OXSR1: variants seen among roughly 807,000 people sequenced by gnomAD.
The protein encoded by OXSR1 is serine/threonine-protein kinase OSR1.
In OXSR1, 24 loss-of-function variants were observed where a neutral mutation model predicts 79.8. That is an observed-to-expected ratio of 0.30 (90% CI 0.22 to 0.42). The LOEUF (loss-of-function observed/expected upper bound fraction) is 0.42. OXSR1 is among the 10% of genes least tolerant of loss of function. The probability of loss-of-function intolerance (pLI) is 1.00; values close to 1 mark genes in which losing one functional copy is unlikely to be tolerated. For missense variants in OXSR1, 430 were observed against 618.4 expected, an observed-to-expected ratio of 0.70 and a Z score of 3.23; for synonymous variants, 226 against 209.2, an observed-to-expected ratio of 1.08 and a Z score of -0.69.
At chr3:38,213,683 T>A (rs753659679) in intron 4 of OXSR1, among the ~76,000 whole-genome samples, 6 of 152,184 alleles carry the variant, frequency 3.9e-5, no homozygotes, top group Non-Finnish European at 8.8e-5. Flanking sequence ...TGCACTAACT[T>A]CTCAACTTTT....
chr3:38,233,262 G>A lies in OXSR1; in HGVS notation c.951+2832G>A, dbSNP rs149596865. Among the ~76,000 whole-genome samples the A allele has an allele frequency of 7.3e-4, 111 of 152,236 alleles. 1 individual carries two copies. The highest frequency in any genetic ancestry group is 2.6e-3 in the African/African-American group (107 of 41,536). On this transcript the variant is annotated intron_variant, in intron 10 of 17. Transcript: ENST00000311806. ...ATCCATATCACTTCATTCAACTCCT[G>A]GAACATAAACATTAAGGCTTATTAC...
intron 12 of OXSR1, among the ~76,000 whole-genome samples, chr3:38,243,445 G>A (rs1044505688): frequency 5.9e-5 from 9 of 152,034 alleles, no homozygotes; most frequent in African/African-American, 2.2e-4. Context: ...TCTATTTTCC[G>A]TGGTTACTGT....
intron 16 of OXSR1, 90 bp downstream of exon 16, chr3:38,251,561 G>A: frequency 1.1e-6 from 1 of 929,540 alleles, no homozygotes; most frequent in South Asian, 1.3e-5. Context: ...CCACTGAGTA[G>A]GTCTGATGGT....
intron 1 of OXSR1, among the ~76,000 whole-genome samples, chr3:38,179,388 A>G (rs1160109930): frequency 6.6e-6 from 1 of 152,010 alleles, no homozygotes; most frequent in Non-Finnish European, 1.5e-5. Context: ...GCGGGTCTCG[A>G]ATTCCTGGAC....
chr3:38,213,655 G>A (rs1361379021), intron 4 of OXSR1, among the ~76,000 whole-genome samples: 1 of 152,146 alleles, frequency 6.6e-6, no homozygotes, highest in East Asian at 1.9e-4. Context: ...CTAAGTGTGA[G>A]GTGTGTAGGA....
intron 4 of OXSR1, among the ~76,000 whole-genome samples, chr3:38,200,446 A>G (rs973147875): frequency 6.6e-6 from 1 of 152,154 alleles, no homozygotes; most frequent in Non-Finnish European, 1.5e-5. Flanking sequence ...TGAGGCCCCT[A>G]GCCACTCTGC....
intron 1 of OXSR1, among the ~76,000 whole-genome samples, chr3:38,170,601 GAC>G (rs1014524210): frequency 6.6e-6 from 1 of 152,072 alleles, no homozygotes; most frequent in African/African-American, 2.4e-5. Flanking sequence ...TACAGTTGAA[GAC>G]ACAGAGACAG....
At chr3:38,240,309 T>C (rs1222445733) in intron 11 of OXSR1, among the ~76,000 whole-genome samples, 3 of 152,158 alleles carry the variant, frequency 2.0e-5, no homozygotes, top group Admixed American at 2.0e-4. Context: ...TGTCTCAATG[T>C]TCTTGGGAGC....
At chr3:38,217,035 AATTGTT>A (rs1249269510) in intron 5 of OXSR1, among the ~76,000 whole-genome samples, 2 of 152,210 alleles carry the variant, frequency 1.3e-5, no homozygotes, top group Non-Finnish European at 2.9e-5. Context: ...CAGCATGAAT[AATTGTT>A]AAAGGGCTCA....
At chr3:38,197,325 A>C (rs1373623122) in intron 3 of OXSR1, among the ~76,000 whole-genome samples, 2 of 152,212 alleles carry the variant, frequency 1.3e-5, no homozygotes, top group African/African-American at 4.8e-5. Flanking sequence ...GCCTCCGGGG[A>C]GGAATAGGAA....
At chr3:38,243,787 A>T (rs1703083142) in intron 12 of OXSR1, among the ~76,000 whole-genome samples, 1 of 152,224 alleles carries the variant, frequency 6.6e-6, no homozygotes, top group Non-Finnish European at 1.5e-5. Context: ...TAACAGGCCG[A>T]TATCTGTTAA....
At chr3:38,187,113 A>G (rs1701899784) in intron 2 of OXSR1, among the ~76,000 whole-genome samples, 2 of 152,344 alleles carry the variant, frequency 1.3e-5, no homozygotes, top group South Asian at 2.1e-4. Flanking sequence ...CAACAACTTT[A>G]TAAAACTTTG....
At chr3:38,178,212 A>G (rs1380558409) in intron 1 of OXSR1, among the ~76,000 whole-genome samples, 1 of 152,102 alleles carries the variant, frequency 6.6e-6, no homozygotes, top group Non-Finnish European at 1.5e-5. Flanking sequence ...CGGCCTCCCA[A>G]AGTGCTGGGA....
Position 38,194,321 on chromosome 3 carries a change from G to A in OXSR1, c.292+3482G>A, listed in dbSNP as rs547698710. Among the ~76,000 whole-genome samples, 9 of 152,238 alleles carry A rather than the reference G, an allele frequency of 5.9e-5. No individual in the cohort carries two copies. The South Asian group carries it at 1.5e-3, about 25-fold the overall frequency. ...TCCCAGTGCTTTGGGAGGCTGAGGC[G>A]GAAGGATTGCTTTAGGCCAGGAGTT... On this transcript the variant is annotated intron_variant, in intron 3 of 17. Coordinates refer to ENST00000311806, the MANE Select transcript of OXSR1 (RefSeq NM_005109.3).
In OXSR1 at chr3:38,216,107, C is replaced by A; in HGVS notation, c.446C>A (p.Ala149Asp). The change falls in exon 5 of 18, where the codon GCT becomes GAT. Residue 149 changes from alanine to aspartate, a missense_variant. Coordinates refer to ENST00000311806, the MANE Select transcript of OXSR1 (RefSeq NM_005109.3). ...KNGQIHRDVK[A>D]GNILLGEDGS... ...TTTTTTTTTTAAAGAGATGTGAAAG[C>A]TGGAAACATTCTTCTTGGAGAAGAT... The A allele has an allele frequency of 6.3e-7, 1 of 1,579,454 alleles. No homozygotes were observed. Among genetic ancestry groups the A allele is most frequent in the Non-Finnish European group, 8.6e-7 (1 of 1,157,146 alleles).
At chr3:38,245,251 G>GT (rs1489208815) in intron 12 of OXSR1, among the ~76,000 whole-genome samples, 1 of 151,876 alleles carries the variant, frequency 6.6e-6, no homozygotes, top group Non-Finnish European at 1.5e-5. Flanking sequence ...CTATTGCATC[G>GT]TTTTTTCTCC....
intron 8 of OXSR1, among the ~76,000 whole-genome samples, 197 bp from the exon 9 acceptor site, chr3:38,229,485 ATTTGT>A (rs1032370052): frequency 4.5e-4 from 69 of 152,182 alleles, no homozygotes; most frequent in Middle Eastern, 6.8e-3. Context: ...TTATCAGAAT[ATTTGT>A]TTTGAGTTTT....
intron 4 of OXSR1, among the ~76,000 whole-genome samples, chr3:38,214,222 A>G (rs185762040): frequency 3.3e-5 from 5 of 151,042 alleles, no homozygotes; most frequent in African/African-American, 4.9e-5. Context: ...CATCTCCTCA[A>G]TGGTTATGTA....
At chr3:38,177,879 C>T (rs1330852081) in intron 1 of OXSR1, among the ~76,000 whole-genome samples, 1 of 151,750 alleles carries the variant, frequency 6.6e-6, no homozygotes, top group Non-Finnish European at 1.5e-5. Context: ...TGAGCCACAA[C>T]CCCCAGAAGT....
Sources: gnomAD v4.1 joint callset for allele counts (sites outside exome capture counted in the v4.1 genomes callset) on GRCh38, gnomAD v4.1.1 for gene constraint, MANE v1.5 for transcripts, NCBI Gene and HGNC (gene_info 2026-07-23, HGNC 2026-07-21) for gene names.